Variants in DPRX observed in about 807,000 individuals in gnomAD.
DPRX encodes divergent paired-related homeobox.
In DPRX, 11 loss-of-function variants were observed where a neutral mutation model predicts 8.4. The ratio of observed to expected loss-of-function variants is 1.31; its 90% CI spans 0.82 to 2.17. The LOEUF is 2.17. Among genes scored for constraint, DPRX ranks in the 30% most tolerant of loss-of-function variants. The pLI, the probability that DPRX is intolerant of heterozygous loss-of-function variation, is 0.00. For missense variants in DPRX, 211 were observed against 236.7 expected (o/e 0.89, Z 0.71); for synonymous variants, 72 against 87.0 (o/e 0.83, Z 0.96).
the DPRX span, among the ~76,000 whole-genome samples, chr19:53,603,810 C>G: frequency 2.7e-5 from 4 of 147,298 alleles, no homozygotes; most frequent in African/African-American, 1.0e-4. Flanking sequence ...GTGGCACAAT[C>G]TCAGCTCACT....
the DPRX span, among the ~76,000 whole-genome samples, chr19:53,609,971 C>A: frequency 1.3e-5 from 2 of 149,542 alleles, no homozygotes; most frequent in African/African-American, 4.9e-5. Context: ...GGCAACAGAG[C>A]AAGACTCCAT....
At chr19:53,615,289 T>C in the DPRX span, among the ~76,000 whole-genome samples, 3 of 150,574 alleles carry the variant, frequency 2.0e-5, no homozygotes, top group Non-Finnish European at 3.0e-5. Flanking sequence ...TCTAATTTTT[T>C]TTTTTCTTTG....
upstream of DPRX, among the ~76,000 whole-genome samples, chr19:53,631,541 T>C (rs964734977): frequency 6.6e-6 from 1 of 151,780 alleles, no homozygotes; most frequent in Admixed American, 6.6e-5. Flanking sequence ...GTCAGAAACG[T>C]TGAGGGCAGG....
At chr19:53,619,987 A>T in the DPRX span, among the ~76,000 whole-genome samples, 1 of 152,078 alleles carries the variant, frequency 6.6e-6, no homozygotes, top group Non-Finnish European at 1.5e-5. Flanking sequence ...TGTCACAGAG[A>T]TGAAAGACTG....
chr19:53,622,586 A>G, the DPRX span, among the ~76,000 whole-genome samples: 1 of 152,056 alleles, frequency 6.6e-6, no homozygotes, highest in Non-Finnish European at 1.5e-5. Context: ...CCAGACAAGA[A>G]CCTTCCTGCC....
At chr19:53,618,398 A>C in the DPRX span, among the ~76,000 whole-genome samples, 2 of 151,910 alleles carry the variant, frequency 1.3e-5, no homozygotes, top group African/African-American at 4.8e-5. Flanking sequence ...TAGGTATGTA[A>C]GACTGCTGCC....
At chr19:53,604,009 G>C in the DPRX span, among the ~76,000 whole-genome samples, 1 of 151,854 alleles carries the variant, frequency 6.6e-6, no homozygotes, top group African/African-American at 2.4e-5. Flanking sequence ...GCCTCCCAAA[G>C]TTCTGGGATT....
chr19:53,636,911 T>G, exon 3 of DPRX: 3 of 1,613,928 alleles, frequency 1.9e-6, no homozygotes, highest in Non-Finnish European at 2.5e-6. Context: ...CTACCCCATT[T>G]TGGAATCCCA....
chr19:53,608,464 A>C, the DPRX span: 1 of 152,540 alleles, frequency 6.6e-6, no homozygotes, highest in South Asian at 2.1e-4. Flanking sequence ...GAAACATGGA[A>C]TATCCAGAAT....
the DPRX span, among the ~76,000 whole-genome samples, chr19:53,624,813 G>A: frequency 7.7e-6 from 1 of 130,346 alleles, no homozygotes; most frequent in African/African-American, 2.9e-5. Context: ...TTGCACTCCA[G>A]CCTGGGCGAC....
At chr19:53,609,859 C>T in the DPRX span, among the ~76,000 whole-genome samples, 1 of 152,016 alleles carries the variant, frequency 6.6e-6, no homozygotes, top group South Asian at 2.1e-4. Context: ...GTGGCACACA[C>T]CTATAGTCCC....
chr19:53,615,523 C>T, the DPRX span, among the ~76,000 whole-genome samples: 5 of 151,968 alleles, frequency 3.3e-5, no homozygotes, highest in Non-Finnish European at 5.9e-5. Context: ...TCCAGTGATC[C>T]GCCCACCTTG....
At chr19:53,613,509 C>T in the DPRX span, among the ~76,000 whole-genome samples, 2 of 151,080 alleles carry the variant, frequency 1.3e-5, no homozygotes, top group Non-Finnish European at 2.9e-5. Flanking sequence ...CATCATGCCC[C>T]GCTAATTTTT....
At chr19:53,612,494 G>C in the DPRX span, among the ~76,000 whole-genome samples, 1 of 152,106 alleles carries the variant, frequency 6.6e-6, no homozygotes, top group Non-Finnish European at 1.5e-5. Flanking sequence ...ATCACTTGAG[G>C]TCAGGCGTTC....
chr19:53,630,896 G>A (rs1204147978), upstream of DPRX, among the ~76,000 whole-genome samples: 1 of 151,608 alleles, frequency 6.6e-6, no homozygotes, highest in Non-Finnish European at 1.5e-5. Flanking sequence ...ACCCAGGCTG[G>A]AGTGCAGTGG....
chr19:53,603,545 G>A, the DPRX span: 1 of 392,130 alleles, frequency 2.6e-6, no homozygotes, highest in South Asian at 1.8e-5. Context: ...CGTCTGGCTG[G>A]TACCTGAATT....
At chr19:53,605,792 G>A in the DPRX span, among the ~76,000 whole-genome samples, 10 of 151,822 alleles carry the variant, frequency 6.6e-5, no homozygotes, top group East Asian at 1.9e-4. Context: ...AGCCTCCCCA[G>A]TAGCTGGGAC....
chr19:53,610,219 C>T, the DPRX span, among the ~76,000 whole-genome samples: 1 of 148,656 alleles, frequency 6.7e-6, no homozygotes, highest in South Asian at 2.1e-4. Context: ...ACTCAGGAGG[C>T]TGAGCCAGGA....
chr19:53,613,441 A>G, the DPRX span, among the ~76,000 whole-genome samples: 1 of 151,792 alleles, frequency 6.6e-6, no homozygotes, highest in Admixed American at 6.6e-5. Context: ...TTCACCTCCC[A>G]GGTTCTAGCA....
Sources: allele counts gnomAD v4.1 joint callset (sites outside exome capture counted in the v4.1 genomes callset), GRCh38; gene constraint gnomAD v4.1.1; transcripts MANE v1.5; gene names NCBI Gene and HGNC (gene_info 2026-07-23, HGNC 2026-07-21).